The following COL15A1 variants were observed in gnomAD, a reference collection of about 807,000 sequenced individuals.
The protein encoded by COL15A1 is collagen alpha-1(XV) chain.
In COL15A1, 111 loss-of-function variants were observed where a neutral mutation model predicts 165.9. The observed-to-expected ratio is 0.67, with a 90% confidence interval of 0.57 to 0.78. The LOEUF is 0.78. COL15A1 is among the 30% of genes least tolerant of loss of function. The pLI, the probability that COL15A1 is intolerant of heterozygous loss-of-function variation, is 0.00. For synonymous variants in COL15A1, 659 were observed against 674.8 expected (o/e 0.98, Z 0.36); for missense variants, 1,745 against 1,789.7 (o/e 0.98, Z 0.45).
chr9:98,987,404 A>G, intron 4 of COL15A1, 36 bp downstream of exon 4: 1 of 1,565,446 alleles, frequency 6.4e-7, no homozygotes, highest in Non-Finnish European at 8.7e-7. Context: ...GGGCCCTGCA[A>G]CCCCAGCAGC....
At chr9:98,959,645 C>T (rs992672125) in intron 2 of COL15A1, among the ~76,000 whole-genome samples, 2 of 152,068 alleles carry the variant, frequency 1.3e-5, no homozygotes, top group African/African-American at 4.8e-5. Flanking sequence ...TTGCATGCAA[C>T]CTCTCCCTTC....
At chr9:99,027,259 G>C (rs1839141733) in intron 16 of COL15A1, among the ~76,000 whole-genome samples, 1 of 152,116 alleles carries the variant, frequency 6.6e-6, no homozygotes, top group Non-Finnish European at 1.5e-5. Context: ...TCAGAAGTGG[G>C]GCCTTCTGTG....
At chr9:98,984,978 G>C (rs746493644) in intron 2 of COL15A1, among the ~76,000 whole-genome samples, 2 of 152,156 alleles carry the variant, frequency 1.3e-5, no homozygotes, top group East Asian at 3.9e-4. Context: ...TTTTAGTAGA[G>C]ACGAGGTTTC....
intron 11 of COL15A1, among the ~76,000 whole-genome samples, chr9:99,019,589 C>T (rs931976983): frequency 2.0e-5 from 3 of 151,060 alleles, no homozygotes; most frequent in African/African-American, 7.3e-5. Flanking sequence ...TGCTATACTG[C>T]CATGGTGACT....
At chr9:99,008,961 C>T (rs575473839) in intron 9 of COL15A1, among the ~76,000 whole-genome samples, 15 of 152,132 alleles carry the variant, frequency 9.9e-5, no homozygotes, top group Admixed American at 4.6e-4. Flanking sequence ...TTCTTGGCTC[C>T]GATAAACAAA....
At chr9:99,005,635 C>T (rs1023941659) in intron 9 of COL15A1, among the ~76,000 whole-genome samples, 9 of 152,248 alleles carry the variant, frequency 5.9e-5, no homozygotes, top group Admixed American at 5.2e-4. Flanking sequence ...CATCATCCTC[C>T]AGTCACCTAA....
intron 2 of COL15A1, among the ~76,000 whole-genome samples, chr9:98,963,450 C>T (rs1837897053): frequency 6.6e-6 from 1 of 152,132 alleles, no homozygotes; most frequent in Admixed American, 6.5e-5. Flanking sequence ...GATGTGACTC[C>T]CAACAGGTTC....
chr9:98,981,901 C>T (rs1263996430), intron 2 of COL15A1, among the ~76,000 whole-genome samples: 12 of 151,872 alleles, frequency 7.9e-5, no homozygotes, highest in Non-Finnish European at 1.8e-4. Flanking sequence ...AACTCCTAGG[C>T]GCAAGTGATC....
chr9:99,010,707 G>A (rs1207735356), intron 9 of COL15A1, among the ~76,000 whole-genome samples: 1 of 152,170 alleles, frequency 6.6e-6, no homozygotes, highest in East Asian at 1.9e-4. Context: ...ATGCTGAGTT[G>A]GTCACGTCCC....
intron 2 of COL15A1, among the ~76,000 whole-genome samples, chr9:98,980,318 C>T (rs1167449288): frequency 6.6e-6 from 1 of 152,188 alleles, no homozygotes; most frequent in African/African-American, 2.4e-5. Flanking sequence ...TGATGGAGGA[C>T]CCCGTGTGTA....
Position 99,066,730 on chromosome 9 carries a change from T to A in COL15A1, c.3652-152T>A, listed in dbSNP as rs992262417. 13 of 653,344 alleles carry A rather than the reference T, an allele frequency of 2.0e-5. No homozygotes were observed. In the Admixed American group the frequency reaches 3.7e-4, roughly 19 times the overall value. 40.5% of individuals were successfully genotyped at this position (653,344 alleles called of 1,614,324 possible). A position where few individuals can be genotyped will look rare whatever the true frequency, so the allele number is the denominator to read the frequency against. The stretch of plus-strand genomic sequence containing the variant: ...CCCGGAAATGGTCAGGCAGAGACTG[T>A]AATTCCAATGTCAGGGAGGGATTGA... On this transcript the variant is annotated intron_variant, in intron 39 of 41. Coordinates refer to ENST00000375001, the MANE Select transcript of COL15A1 (RefSeq NM_001855.5).
chr9:99,066,809 G>A (rs890806866), intron 39 of COL15A1, 73 bp from the exon 40 acceptor site: 1 of 1,373,762 alleles, frequency 7.3e-7, no homozygotes, highest in Admixed American at 2.1e-5. Context: ...ATCTTTGCAG[G>A]AATGTGAGAT....
intron 23 of COL15A1, 45 bp from the exon 24 acceptor site, chr9:99,042,000 T>A: frequency 7.8e-7 from 1 of 1,288,606 alleles, no homozygotes; most frequent in Non-Finnish European, 1.1e-6. Context: ...TTTATGCATT[T>A]TAATCTTAAC....
At chr9:99,066,196 G>GA (rs1664580363) in intron 39 of COL15A1, among the ~76,000 whole-genome samples, 1 of 151,308 alleles carries the variant, frequency 6.6e-6, no homozygotes, top group Non-Finnish European at 1.5e-5. Flanking sequence ...GGCTGAGAGA[G>GA]GGCAGTAGTA....
chr9:99,007,959 A>G (rs1221057157), intron 9 of COL15A1, among the ~76,000 whole-genome samples: 1 of 152,250 alleles, frequency 6.6e-6, no homozygotes, highest in Non-Finnish European at 1.5e-5. Flanking sequence ...CAGGTGTTCT[A>G]TAGTTTATTT....
intron 6 of COL15A1, chr9:98,997,919 C>T (rs895734756): frequency 6.6e-6 from 1 of 152,168 alleles, no homozygotes; most frequent in East Asian, 1.9e-4. Context: ...TTCTTAGGAA[C>T]AAAAATAACC....
intron 9 of COL15A1, among the ~76,000 whole-genome samples, chr9:99,005,328 G>C (rs1457257557): frequency 6.6e-6 from 1 of 152,124 alleles, no homozygotes; most frequent in East Asian, 1.9e-4. Flanking sequence ...CCCACAGGGG[G>C]TGGGAGCCAG....
intron 3 of COL15A1, 78 bp downstream of exon 3, chr9:98,986,190 A>G: frequency 9.0e-7 from 1 of 1,112,892 alleles, no homozygotes; most frequent in Non-Finnish European, 1.3e-6. Context: ...AGCAACTATT[A>G]TTGTTATTAT....
chr9:99,022,198 G>T, intron 13 of COL15A1, 48 bp downstream of exon 13: 1 of 1,612,318 alleles, frequency 6.2e-7, no homozygotes, highest in Non-Finnish European at 8.5e-7. Context: ...TAAGACCAGG[G>T]ATGCGGCCAA....
Sources: gnomAD v4.1 joint callset for allele counts (sites outside exome capture counted in the v4.1 genomes callset) on GRCh38, gnomAD v4.1.1 for gene constraint, MANE v1.5 for transcripts, NCBI Gene and HGNC (gene_info 2026-07-23, HGNC 2026-07-21) for gene names.